Variants in DACT2 observed in about 807,000 individuals in gnomAD.
The protein encoded by DACT2 is dishevelled binding antagonist of beta catenin 2.
DACT2 carries 20 observed loss-of-function variants against 22.2 expected under a neutral mutation model. The observed-to-expected ratio is 0.90, with a 90% CI of 0.63 to 1.31. The LOEUF is 1.31. Among genes scored for constraint, DACT2 ranks in the 50% most tolerant of loss-of-function variants. DACT2 has a pLI of 0.00. For synonymous variants in DACT2, 463 were observed against 479.8 expected (o/e 0.96, Z 0.46); for missense variants, 1,048 against 1,061.4 (o/e 0.99, Z 0.18).
chr6:168,306,983 G>A lies in DACT2; in HGVS notation c.*449C>T, dbSNP rs915811423. 2.5e-5 allele frequency: 25 copies of A among 996,820 alleles called. No individual in the cohort carries two copies. The highest frequency in any genetic ancestry group is 2.2e-4 in the South Asian group (5 of 22,324). 61.7% of individuals were successfully genotyped at this position (996,820 alleles called of 1,614,324 possible). On this transcript the variant is annotated 3_prime_UTR_variant, in exon 4 of 4. Transcript: ENST00000366795. ...TGTTTGTGTATGCTGACAGCTTAAC[G>A]TGGAGTTTAAACTCAAATTCAATTT...
chr6:168,303,550 G>C (rs886177285), downstream of DACT2, among the ~76,000 whole-genome samples: 2 of 152,110 alleles, frequency 1.3e-5, no homozygotes. Flanking sequence ...TTCTACCGTG[G>C]GTAGAAGCAG....
At chr6:168,293,834 C>T in exon 6 of DACT2, 1 of 702,370 alleles carries the variant, frequency 1.4e-6, no homozygotes, top group South Asian at 1.5e-5. Context: ...GTGGCCAGGA[C>T]CCGACTTCCA....
At chr6:168,294,078 T>C (rs2114889571) in intron 5 of DACT2, 1 of 703,044 alleles carries the variant, frequency 1.4e-6, no homozygotes, top group South Asian at 1.5e-5. Flanking sequence ...AGACCCGCGA[T>C]GGCAGTTGTG....
rs1196230311 is a variant in DACT2, at chr6:168,309,092, A to G, written c.665T>C (p.Leu222Pro). 6.6e-7 allele frequency: 1 copy of G among 1,522,606 alleles called. No homozygotes were observed. Among genetic ancestry groups the G allele is most frequent in the South Asian group, 1.2e-5 (1 of 82,914 alleles). The allele number at this position is 1,522,606 out of a possible 1,614,324, so 94.3% of individuals were successfully genotyped here. The change falls in exon 4 of 4, where the codon CTT becomes CCT. Residue 222 changes from leucine to proline, a missense_variant. By Grantham distance (98) the Leu-to-Pro change is moderately conservative. Coordinates refer to ENST00000366795, the MANE Select transcript of DACT2 (RefSeq NM_214462.5). ...CGTGTCCGCCGGCAGGGCTCTGTCA[A>G]GATCACCTGGGAGCGAGAAAAATGA... ...FWPRPVSTGD[L>P]DRALPADTGL...
At chr6:168,306,608 ATT>A (rs61347395), downstream of DACT2, among the ~76,000 whole-genome samples, 224 of 142,282 alleles carry the variant, frequency 1.6e-3, no homozygotes, top group East Asian at 1.9e-3. Flanking sequence ...AAACCCAGCT[ATT>A]TTTTTTTTTT....
downstream of DACT2, among the ~76,000 whole-genome samples, chr6:168,304,354 C>A (rs1051489078): frequency 2.0e-5 from 3 of 152,270 alleles, no homozygotes; most frequent in Non-Finnish European, 2.9e-5. Flanking sequence ...GCCTGGGCCA[C>A]CTGGCCTTCT....
At chr6:168,294,547 A>ATG (rs1214898092) in intron 4 of DACT2, 15 of 752,376 alleles carry the variant, frequency 2.0e-5, no homozygotes, top group African/African-American at 7.7e-5. Flanking sequence ...ATAATAAAAT[A>ATG]TGTGTGTGTG....
chr6:168,309,446 G>C (rs9364236), intron 3 of DACT2, among the ~76,000 whole-genome samples: 6,035 of 151,336 alleles, frequency 0.04, 308 homozygotes, highest in African/African-American at 0.12. Context: ...GGGGCCGTTT[G>C]CGTGTAGACA....
intron 1 of DACT2, among the ~76,000 whole-genome samples, chr6:168,312,019 G>C (rs531860094): frequency 1.3e-5 from 2 of 152,222 alleles, no homozygotes; most frequent in South Asian, 4.2e-4. Flanking sequence ...AAAGTCCCTT[G>C]GAAAGAAAGA....
intron 3 of DACT2, chr6:168,298,497 T>G (rs774616041): frequency 6.6e-6 from 1 of 152,238 alleles, no homozygotes; most frequent in African/African-American, 2.4e-5. Context: ...AGTGGTGGTA[T>G]ATCATCCTCT....
At position 168,316,258 on chromosome 6, in the gene DACT2, C is replaced by A. The variant is rs112757805; in HGVS notation, c.246+3130G>T. Among the ~76,000 whole-genome samples the A allele has an allele frequency of 8.7e-3, 1,306 of 150,778 alleles. 19 individuals are homozygous for A. The highest frequency in any genetic ancestry group is 0.03 in the African/African-American group (1,232 of 41,276). On this transcript the variant is annotated intron_variant, in intron 1 of 3. Transcript: ENST00000366795. Reference sequence around the variant, plus strand: ...TGAAGCCAGCATCTCGGCAGCACCTCCCTTCCCATGTGTGTAACACGTCTG... The same window carrying A: ...TGAAGCCAGCATCTCGGCAGCACCTACCTTCCCATGTGTGTAACACGTCTG...
chr6:168,301,021 CAAAA>C (rs373561744), intron 3 of DACT2, among the ~76,000 whole-genome samples: 1 of 142,386 alleles, frequency 7.0e-6, no homozygotes, highest in South Asian at 2.1e-4. Context: ...AAACAAAAAA[CAAAA>C]ACAAAACAAA....
At chr6:168,311,569 A>ACTCAC (rs1562498471) in intron 1 of DACT2, among the ~76,000 whole-genome samples, 36 of 62,918 alleles carry the variant, frequency 5.7e-4, no homozygotes, top group African/African-American at 2.0e-3. Flanking sequence ...CTCACACACA[A>ACTCAC]ACACACACAC....
intron 1 of DACT2, among the ~76,000 whole-genome samples, 154 bp from the exon 2 acceptor site, chr6:168,311,438 T>C (rs1246949405): frequency 1.3e-5 from 2 of 152,102 alleles, no homozygotes; most frequent in Non-Finnish European, 2.9e-5. Flanking sequence ...CCCTGCTCAC[T>C]CTGAAGCAAT....
At chr6:168,318,322 A>G (rs1779564259) in intron 1 of DACT2, among the ~76,000 whole-genome samples, 1 of 152,242 alleles carries the variant, frequency 6.6e-6, no homozygotes, top group African/African-American at 2.4e-5. Context: ...GTCTTCCACA[A>G]GGTCAGGAGA....
rs1779600105 is a variant in DACT2 at position 168,319,648 on chromosome 6, C to G, written c.-15G>C. 3.2e-6 allele frequency: 4 copies of G among 1,234,014 alleles called. No individual in the cohort carries two copies. The highest frequency in any genetic ancestry group is 4.1e-6 in the Non-Finnish European group (4 of 986,422). 76.4% of individuals were successfully genotyped at this position (1,234,014 alleles called of 1,614,324 possible). ...GGCGTCCACATCTCCCGGGCAGGGTCCCGGCCTCCCGAACCCCACGAGCGG... is the reference window on the plus strand; with the variant it reads ...GGCGTCCACATCTCCCGGGCAGGGTGCCGGCCTCCCGAACCCCACGAGCGG... On this transcript the variant is annotated 5_prime_UTR_variant, in exon 1 of 4. Coordinates refer to ENST00000366795, the MANE Select transcript of DACT2 (RefSeq NM_214462.5).
Position 168,306,986 on chromosome 6 carries a change from G to C in DACT2, c.*446C>G, listed in dbSNP as rs567689521. The C allele has an allele frequency of 1.0e-5, 10 of 998,058 alleles. No homozygotes were observed. Among genetic ancestry groups the C allele is most frequent in the Non-Finnish European group, 1.2e-5 (10 of 837,436 alleles). 61.8% of individuals were successfully genotyped at this position (998,058 alleles called of 1,614,324 possible). A position where few individuals can be genotyped will look rare whatever the true frequency, so the allele number is the denominator to read the frequency against. On this transcript the variant is annotated 3_prime_UTR_variant, in exon 4 of 4. Transcript: ENST00000366795. Reference sequence around the variant, plus strand: ...TTGTGTATGCTGACAGCTTAACGTGGAGTTTAAACTCAAATTCAATTTCCA... The same window carrying C: ...TTGTGTATGCTGACAGCTTAACGTGCAGTTTAAACTCAAATTCAATTTCCA...
chr6:168,318,506 T>C (rs1328394012), intron 1 of DACT2, among the ~76,000 whole-genome samples: 1 of 152,260 alleles, frequency 6.6e-6, no homozygotes, highest in Non-Finnish European at 1.5e-5. Context: ...AAATTTCTAA[T>C]GTAAAAGAAA....
At chr6:168,296,025 CGG>C (rs1583288330) in intron 3 of DACT2, among the ~76,000 whole-genome samples, 1 of 149,796 alleles carries the variant, frequency 6.7e-6, no homozygotes, top group East Asian at 2.0e-4. Context: ...GACAGACACC[CGG>C]AATCACGGAA....
Sources: allele counts gnomAD v4.1 joint callset (sites outside exome capture counted in the v4.1 genomes callset), GRCh38; gene constraint gnomAD v4.1.1; transcripts MANE v1.5; gene names NCBI Gene and HGNC (gene_info 2026-07-23, HGNC 2026-07-21).